The following DPY30 variants were observed in gnomAD, a reference collection of about 807,000 sequenced individuals.
The protein encoded by DPY30 is dpy-30 histone methyltransferase complex regulatory subunit.
In DPY30, 6 loss-of-function variants were observed where a neutral mutation model predicts 16.2. The ratio of observed to expected loss-of-function variants is 0.37; its 90% CI spans 0.20 to 0.73. DPY30 has a LOEUF of 0.73. Among genes scored for constraint, DPY30 ranks in the 30% least tolerant of loss-of-function variants. The probability of loss-of-function intolerance (pLI) is 0.51; values close to 1 mark genes in which losing one functional copy is unlikely to be tolerated. For synonymous variants in DPY30, 39 were observed against 38.8 expected (o/e 1.00, Z -0.02); for missense variants, 73 against 113.1 (o/e 0.65, Z 1.61).
intron 4 of DPY30, among the ~76,000 whole-genome samples, chr2:32,029,340 T>C (rs1185465197): frequency 1.3e-5 from 2 of 152,140 alleles, no homozygotes; most frequent in African/African-American, 4.8e-5. Context: ...TGTTATGTCA[T>C]AATAAATAAA....
At chr2:32,022,811 C>G (rs62142088), downstream of DPY30, among the ~76,000 whole-genome samples, 517 of 152,100 alleles carry the variant, frequency 3.4e-3, 2 homozygotes, top group Non-Finnish European at 3.6e-3. Context: ...CCACCGCACC[C>G]GGCCAATCAC....
chr2:32,016,288 TTTC>T (rs1382674850), intron 5 of DPY30, among the ~76,000 whole-genome samples: 3 of 152,218 alleles, frequency 2.0e-5, no homozygotes, highest in Non-Finnish European at 4.4e-5. Flanking sequence ...TTTTATTACT[TTTC>T]TTCTTTGCTA....
rs554247027 is a variant in DPY30, at chr2:32,031,601, C to T, written c.85-1865G>A. 3.0e-5 allele frequency among the ~76,000 whole-genome samples: 4 copies of T among 134,508 alleles called. 1 individual carries two copies. Among genetic ancestry groups the T allele is most frequent in the East Asian group, 2.3e-4 (1 of 4,292 alleles). 88.2% of individuals were successfully genotyped at this position (134,508 alleles called of 152,430 possible). On this transcript the variant is annotated intron_variant, in intron 3 of 4. Coordinates refer to ENST00000342166, the MANE Select transcript of DPY30 (RefSeq NM_001321209.2). ...AACACAGCAAGATTCCGTCTCAAAA[C>T]GAAAAAACAAAGGCCGGGCACGGTG...
chr2:32,032,883 C>A (rs974815454), intron 3 of DPY30, among the ~76,000 whole-genome samples: 3 of 151,876 alleles, frequency 2.0e-5, no homozygotes, highest in Non-Finnish European at 2.9e-5. Flanking sequence ...GTAATCCCAG[C>A]TATTCAGGAG....
At chr2:32,023,901 AT>A, downstream of DPY30, 1 of 1,339,470 alleles carries the variant, frequency 7.5e-7, no homozygotes, top group Non-Finnish European at 9.7e-7. Flanking sequence ...CTACTTTAAA[AT>A]AATGGTGTTT....
chr2:32,029,220 G>A (rs747608876), intron 4 of DPY30, among the ~76,000 whole-genome samples: 2 of 152,010 alleles, frequency 1.3e-5, no homozygotes, highest in African/African-American at 2.4e-5. Context: ...TGCAGTGAAC[G>A]AGATCATACC....
chr2:32,034,025 TTGAGAAGACAGTTGAA>T (rs1558591384), intron 3 of DPY30, among the ~76,000 whole-genome samples: 1 of 151,780 alleles, frequency 6.6e-6, no homozygotes, highest in East Asian at 1.9e-4. Flanking sequence ...TCTCCCTGAG[TTGAGAAGACAGTTGAA>T]AATTCTGGAA....
At position 32,039,322 on chromosome 2, in the gene DPY30, G is replaced by A; in HGVS notation, c.41C>T (p.Ala14Val). The A allele has an allele frequency of 3.1e-6, 5 of 1,614,114 alleles. No homozygotes were observed. Among genetic ancestry groups the A allele is most frequent in the Non-Finnish European group, 3.4e-6 (4 of 1,180,026 alleles). The change falls in exon 3 of 5, where the codon GCA becomes GTA. Residue 14 changes from alanine (A) to valine (V), a missense_variant. Physicochemically the swap from Ala to Val is moderately conservative, Grantham distance 64. Transcript: ENST00000342166. ...ACCGTACTCAGAGTGAGGATTTTCT[G>A]CAACCTAGAAAACAAAACACCGGTC... The part of the protein sequence containing the change: ...EQMLEGQTQV[A>V]ENPHSEYGLT...
At chr2:32,028,735 G>A (rs1414016491) in intron 4 of DPY30, among the ~76,000 whole-genome samples, 1 of 152,166 alleles carries the variant, frequency 6.6e-6, no homozygotes, top group Non-Finnish European at 1.5e-5. Context: ...AGGTTGCAGT[G>A]AGCCAAGATC....
chr2:32,025,457 C>T (rs777121325), intron 4 of DPY30, among the ~76,000 whole-genome samples: 1 of 151,314 alleles, frequency 6.6e-6, no homozygotes, highest in Non-Finnish European at 1.5e-5. Flanking sequence ...AGCAAGATTC[C>T]GTCTCAAAAA....
intron 5 of DPY30, chr2:32,013,320 T>A (rs1675004790): frequency 6.6e-6 from 1 of 152,208 alleles, no homozygotes; most frequent in Admixed American, 6.5e-5. Context: ...CTACTGAAAT[T>A]TTCTTGCTGG....
At chr2:32,013,807 AG>A (rs778227531) in intron 5 of DPY30, among the ~76,000 whole-genome samples, 2 of 152,086 alleles carry the variant, frequency 1.3e-5, no homozygotes, top group African/African-American at 4.8e-5. Flanking sequence ...CAAGAGTTTG[AG>A]ACCAGCCTGG....
Position 32,024,140 on chromosome 2 carries a change from T to G in DPY30, c.*44A>C, listed in dbSNP as rs562201226. 1.6e-5 allele frequency: 26 copies of G among 1,593,932 alleles called. 1 individual carries two copies. In the Admixed American group the frequency reaches 4.0e-4, roughly 25 times the overall value. On this transcript the variant is annotated 3_prime_UTR_variant, in exon 5 of 5. Transcript: ENST00000342166. ...CAATTAAAGCTGCCTCTTAATCATG[T>G]AAATCTACAGTAGCAACTAAATTTT...
chr2:32,024,777 G>A (rs1346727723), intron 4 of DPY30, among the ~76,000 whole-genome samples: 1 of 152,168 alleles, frequency 6.6e-6, no homozygotes, highest in Non-Finnish European at 1.5e-5. Flanking sequence ...ATTAGTCAAA[G>A]AAGCAACACT....
chr2:32,016,188 C>A (rs548922785), intron 5 of DPY30, among the ~76,000 whole-genome samples: 8 of 152,300 alleles, frequency 5.3e-5, no homozygotes, highest in Non-Finnish European at 1.0e-4. Context: ...TGTGAGCCAC[C>A]GTGCCCGGCC....
At chr2:32,012,202 C>T (rs1674951019) in intron 5 of DPY30, 2 of 152,032 alleles carry the variant, frequency 1.3e-5, no homozygotes, top group Non-Finnish European at 2.9e-5. Context: ...CCACCTTCTC[C>T]AACTTCAGGG....
chr2:32,039,203 T>C, intron 3 of DPY30, 76 bp downstream of exon 3: 1 of 1,578,528 alleles, frequency 6.3e-7, no homozygotes, highest in Non-Finnish European at 8.7e-7. Flanking sequence ...CATAGCCACC[T>C]AGTAAAAGCA....
intron 5 of DPY30, among the ~76,000 whole-genome samples, chr2:32,012,732 C>A (rs1372948527): frequency 6.6e-6 from 1 of 152,078 alleles, no homozygotes; most frequent in Non-Finnish European, 1.5e-5. Context: ...GCCATCGCAC[C>A]CAGGCCAAAG....
Position 32,029,625 on chromosome 2 carries a change from A to G in DPY30, c.196T>C (p.Leu66=), listed in dbSNP as rs748770710. The change falls in exon 4 of 5, where the codon TTA becomes CTA. Residue 66 remains leucine, a synonymous_variant. Coordinates refer to ENST00000342166, the MANE Select transcript of DPY30 (RefSeq NM_001321209.2). ...TTTGCAAGCACAGCAAGTCCCTGTAATAAGATAGGCACAACTGTCTGATCC... is the reference window on the plus strand; with the variant it reads ...TTTGCAAGCACAGCAAGTCCCTGTAGTAAGATAGGCACAACTGTCTGATCC... ...YLDQTVVPIL[L]QGLAVLAKER... 42 of 1,613,442 alleles carry G rather than the reference A, an allele frequency of 2.6e-5. No individual in the cohort carries two copies. The highest frequency in any genetic ancestry group is 3.5e-5 in the Non-Finnish European group (41 of 1,179,986).
Sources: allele counts gnomAD v4.1 joint callset (sites outside exome capture counted in the v4.1 genomes callset), GRCh38; gene constraint gnomAD v4.1.1; transcripts MANE v1.5; gene names NCBI Gene and HGNC (gene_info 2026-07-23, HGNC 2026-07-21).